Variants in HR observed in about 807,000 individuals in gnomAD.
HR encodes lysine-specific demethylase hairless.
Under a neutral mutation model 128.6 loss-of-function variants are expected in HR, and 83 were observed. The ratio of observed to expected loss-of-function variants is 0.65; its 90% CI spans 0.54 to 0.77. The LOEUF (loss-of-function observed/expected upper bound fraction) is 0.77. Ranked by LOEUF, HR falls within the 30% of genes least tolerant of loss-of-function variation. The pLI is 0.00. For missense variants in HR, 1,490 were observed against 1,574.6 expected (o/e 0.95, Z 0.91); for synonymous variants, 681 against 658.2 (o/e 1.03, Z -0.53).
Position 22,116,525 on chromosome 8 carries a change from C to T in HR, c.3379-97G>A. ...TTCGCTTCCTCTAATGACAACCACC[C>T]CCGACCCCTGGCTCTCAGAGAGCAG... On this transcript the variant is annotated intron_variant, in intron 17 of 18. Transcript: ENST00000381418. This position sits in a 1 kb window ranked among gnomAD's most constrained non-coding sequence, Gnocchi z 4.2. The T allele has an allele frequency of 1.4e-6, 2 of 1,397,896 alleles. No individual in the cohort carries two copies. The highest frequency in any genetic ancestry group is 1.9e-6 in the Non-Finnish European group (2 of 1,036,062). The allele number at this position is 1,397,896 out of a possible 1,614,324, so 86.6% of individuals were successfully genotyped here.
intron 16 of HR, chr8:22,118,532 T>G: frequency 4.2e-6 from 1 of 238,294 alleles, no homozygotes. Flanking sequence ...CATAGAGTAG[T>G]GACCTGGGGC....
chr8:22,125,488 C>A lies in HR; in HGVS notation c.1573G>T (p.Glu525Ter). The stretch of plus-strand genomic sequence containing the variant: ...GCTGTGTCTTCCTCCTGCTGCAGCT[C>A]CCCTCCCAGAGGCGATCTGGAGAGA... ...QQVRRSPLGG[E>*]LQQEEDTATN... The change falls in exon 5 of 19, where the codon GAG becomes TAG. Residue 525 changes from glutamate (E) to a stop codon, truncating the protein, a stop_gained. Coordinates refer to ENST00000381418, the MANE Select transcript of HR (RefSeq NM_005144.5). LOFTEE classifies it high-confidence loss of function. The A allele has an allele frequency of 2.5e-6, 4 of 1,613,524 alleles. No homozygotes were observed. Among genetic ancestry groups the A allele is most frequent in the Non-Finnish European group, 3.4e-6 (4 of 1,179,988 alleles).
chr8:22,123,001 T>C (rs1826794922), intron 6 of HR, 122 bp from the exon 7 acceptor site: 2 of 928,802 alleles, frequency 2.2e-6, no homozygotes, highest in Non-Finnish European at 3.4e-6. Flanking sequence ...AACTCGTGCT[T>C]TCTGGGAAAC....
chr8:22,119,270 G>C lies in HR; in HGVS notation c.2991C>G (p.His997Gln). 6.2e-7 allele frequency: 1 copy of C among 1,613,646 alleles called. No individual in the cohort carries two copies. Among genetic ancestry groups the C allele is most frequent in the Non-Finnish European group, 8.5e-7 (1 of 1,180,036 alleles). Residue 997 changes from histidine (H) to glutamine (Q), a missense_variant, in exon 15 of 19, where the codon CAC becomes CAG. Around this residue, in one of 3 missense-constraint regions of HR, gnomAD observed 423 missense variants for 495.9 expected, o/e 0.85. Coordinates refer to ENST00000381418, the MANE Select transcript of HR (RefSeq NM_005144.5). ...GGTTCTTGGTCCCCAGGTGTCCCCG[G>C]TGCGGGCTCACACCTGCATGGCAAT... Reference protein sequence around the residue: ...QLWAAYGVSPHRGHLGTKNLC... With the variant: ...QLWAAYGVSPQRGHLGTKNLC...
In HR at chr8:22,128,696, C is replaced by A. The variant is rs756982904; in HGVS notation, c.475G>T (p.Val159Leu). Residue 159 changes from valine to leucine, a missense_variant, in exon 2 of 19, where the codon GTG (valine) becomes TTG (leucine). This residue lies in a region of HR where 1,060 missense variants were observed against 1,060.9 expected (regional missense o/e 1.00). Transcript: ENST00000381418. ...AGGTAGGGTGGCAAGCAGGTGGGCA[C>A]CCAGAAGGGAGCTCGCTCCAGGATC... Reference protein sequence around the residue: ...TKILERAPFWVPTCLPPYLVS... With the variant: ...TKILERAPFWLPTCLPPYLVS... 5 of 1,583,952 alleles carry A rather than the reference C, an allele frequency of 3.2e-6. No homozygotes were observed. Among genetic ancestry groups the A allele is most frequent in the Middle Eastern group, 1.7e-4 (1 of 6,022 alleles).
rs773648353 is a variant in HR at position 22,128,760 on chromosome 8, G to C, written c.411C>G (p.Ala137=). ...GGAAAGGGCAGTGCCAGGGCCGGAA[G>C]GCCACAGGGTCACTCTTGAGATGGC... ...SGGHLKSDPV[A]FRPWHCPFLL... is the part of the protein sequence containing the mutation. The change falls in exon 2 of 19, where the codon GCC becomes GCG. Residue 137 remains alanine (A), a synonymous_variant. Coordinates refer to ENST00000381418, the MANE Select transcript of HR (RefSeq NM_005144.5). 2 of 1,605,908 alleles carry C rather than the reference G, an allele frequency of 1.2e-6. No homozygotes were observed. The highest frequency in any genetic ancestry group is 1.7e-6 in the Non-Finnish European group (2 of 1,176,726).
chr8:22,118,893 G>T, intron 16 of HR, 57 bp downstream of exon 16: 1 of 1,474,502 alleles, frequency 6.8e-7, no homozygotes, highest in African/African-American at 1.4e-5. Context: ...GGGTGGGACT[G>T]GACGAGCTTC....
At chr8:22,117,360 T>C in intron 16 of HR, 1 of 365,252 alleles carries the variant, frequency 2.7e-6, no homozygotes, top group Non-Finnish European at 4.9e-6. Context: ...CTCTCAATGG[T>C]ACCCCTTTCT....
Position 22,122,591 on chromosome 8 carries a change from T to G in HR, c.2023A>C (p.Thr675Pro), listed in dbSNP as rs1254643187. Residue 675 changes from threonine (T) to proline (P), a missense_variant, in exon 8 of 19, where the codon ACT becomes CCT. Physicochemically the swap from Thr to Pro is conservative, Grantham distance 38 (BLOSUM62 -1). Coordinates refer to ENST00000381418, the MANE Select transcript of HR (RefSeq NM_005144.5). The part of the protein sequence containing the change: ...VSSQALAELS[T>P]AMHQVWVKFD... ...TTGACCCAGACCTGGTGCATTGCAG[T>G]GCTCAGCTCTGCCAAAGCTGGGGGT... is the stretch of plus-strand genomic sequence containing the variant. 6.2e-7 allele frequency: 1 copy of G among 1,609,450 alleles called. No homozygotes were observed. The highest frequency in any genetic ancestry group is 1.7e-5 in the Admixed American group (1 of 59,778).
Position 22,128,861 on chromosome 8 carries a change from G to A in HR, c.310C>T (p.Leu104Phe), listed in dbSNP as rs776307510. 6 of 1,613,414 alleles carry A rather than the reference G, an allele frequency of 3.7e-6. No individual in the cohort carries two copies. The highest frequency in any genetic ancestry group is 1.1e-5 in the South Asian group (1 of 91,092). ...CCGCAGAATGCCAGCGGATGGGTAAGCATGGCCTCCTTCCAGCGCAGTCCC... is the reference window on the plus strand; with the variant it reads ...CCGCAGAATGCCAGCGGATGGGTAAACATGGCCTCCTTCCAGCGCAGTCCC... ...KEGLRWKEAMLTHPLAFCGPA... is the reference protein window; with the variant it reads ...KEGLRWKEAMFTHPLAFCGPA... The change falls in exon 2 of 19, where the codon CTT (leucine) becomes TTT (phenylalanine). Residue 104 changes from leucine to phenylalanine, a missense_variant. Leu to Phe is a conservative substitution (Grantham distance 22). Transcript: ENST00000381418.
At position 22,123,783 on chromosome 8, in the gene HR, G is replaced by C. The variant is rs1179086648; in HGVS notation, c.1781C>G (p.Pro594Arg). 8 of 1,604,042 alleles carry C rather than the reference G, an allele frequency of 5.0e-6. No individual in the cohort carries two copies. Among genetic ancestry groups the C allele is most frequent in the Non-Finnish European group, 6.8e-6 (8 of 1,177,978 alleles). ...GQGPAVTEDS[P>R]GIPRCCSRCH... ...ACGGCTGCAGCAGCGTGGAATGCCT[G>C]GGCTGTCCTCTGTCACGGCTGGCCC... is the stretch of plus-strand genomic sequence containing the variant. The change falls in exon 6 of 19, where the codon CCA (proline) becomes CGA (arginine). Residue 594 changes from proline to arginine, a missense_variant. By Grantham distance (103) the Pro-to-Arg change is moderately radical. Around this residue, in one of 3 missense-constraint regions of HR, gnomAD observed 1,060 missense variants for 1,060.9 expected, o/e 1.00. Transcript: ENST00000381418.
intron 3 of HR, 135 bp from the exon 4 acceptor site, chr8:22,125,867 A>G (rs1826876643): frequency 9.8e-7 from 1 of 1,017,336 alleles, no homozygotes. Context: ...AGCCTAATTC[A>G]GAACCAGCAA....
Position 22,127,614 on chromosome 8 carries a change from C to T in HR, c.828G>A (p.Trp276Ter). The change falls in exon 3 of 19, where the codon TGG (tryptophan) becomes TGA (stop). Residue 276 changes from tryptophan to a stop codon, truncating the protein, a stop_gained. Coordinates refer to ENST00000381418, the MANE Select transcript of HR (RefSeq NM_005144.5). LOFTEE classifies it high-confidence loss of function. ...CTGGGGGACAAGCGGGCCAGGAGGTCCAGGGCACAGTGTCTGGCTGCCCCA... is the reference window on the plus strand; with the variant it reads ...CTGGGGGACAAGCGGGCCAGGAGGTTCAGGGCACAGTGTCTGGCTGCCCCA... ...LFLGQPDTVP[W>*]TSWPACPPGL... 6.2e-7 allele frequency: 1 copy of T among 1,611,164 alleles called. No homozygotes were observed. The highest frequency in any genetic ancestry group is 8.5e-7 in the Non-Finnish European group (1 of 1,179,564).
intron 10 of HR, 45 bp from the exon 11 acceptor site, chr8:22,121,003 G>A (rs765297729): frequency 6.2e-7 from 1 of 1,612,132 alleles, no homozygotes; most frequent in South Asian, 1.1e-5. Flanking sequence ...GGGCCCCACA[G>A]GGAGGGCAGG....
intron 12 of HR, 26 bp downstream of exon 12, chr8:22,120,316 C>G: frequency 1.9e-6 from 3 of 1,613,664 alleles, no homozygotes; most frequent in Middle Eastern, 1.7e-4. Context: ...TCCCAGCTCC[C>G]TCTCCCCTGT....
chr8:22,122,640 T>C, intron 7 of HR, 32 bp from the exon 8 acceptor site: 1 of 1,553,666 alleles, frequency 6.4e-7, no homozygotes, highest in Non-Finnish European at 8.8e-7. Context: ...AGAGGGAGGT[T>C]GGTGGTGAGT....
Position 22,130,467 on chromosome 8 carries a change from T to C in HR, c.-80A>G, listed in dbSNP as rs1827021860. 6.6e-6 allele frequency: 1 copy of C among 152,064 alleles called. No homozygotes were observed. The allele number at this position is 152,064 out of a possible 1,614,324, so 9.4% of individuals were successfully genotyped here. A position where few individuals can be genotyped will look rare whatever the true frequency, so the allele number is the denominator to read the frequency against. ...CCGGTCGCGGCGCGGGCGGTGGCGGTCGTCGTGGCCGGCACCGGGCGCCTG... is the reference window on the plus strand; with the variant it reads ...CCGGTCGCGGCGCGGGCGGTGGCGGCCGTCGTGGCCGGCACCGGGCGCCTG... On this transcript the variant is annotated 5_prime_UTR_variant, in exon 1 of 19. Transcript: ENST00000381418.
intron 5 of HR, 149 bp from the exon 6 acceptor site, chr8:22,123,962 C>T (rs1271718179): frequency 1.1e-5 from 10 of 877,706 alleles, no homozygotes; most frequent in Middle Eastern, 4.4e-4. Flanking sequence ...ACAGGCCCCT[C>T]GACAGCTACC....
At chr8:22,119,955 C>A (rs1826693180) in intron 13 of HR, 65 bp from the exon 14 acceptor site, 2 of 1,609,614 alleles carry the variant, frequency 1.2e-6, no homozygotes, top group East Asian at 4.5e-5. Context: ...ATCAAAGCCC[C>A]ACCACCACCG....
Sources: allele counts gnomAD v4.1 joint callset, GRCh38; gene constraint gnomAD v4.1.1; regional missense constraint gnomAD v4.1.1; non-coding constraint Gnocchi (gnomAD v3.1); transcripts MANE v1.5; gene names NCBI Gene and HGNC (gene_info 2026-07-23, HGNC 2026-07-21).